The following VPS13A variants were observed in gnomAD, a reference collection of about 807,000 sequenced individuals.
VPS13A encodes vacuolar protein sorting 13 homolog A.
A neutral mutation model predicts 390.9 loss-of-function variants in VPS13A; 264 were observed. That is an observed-to-expected ratio of 0.68 (90% CI 0.61 to 0.75). VPS13A has a LOEUF of 0.75. Ranked by LOEUF, VPS13A falls within the 30% of genes least tolerant of loss-of-function variation. The pLI, the probability that VPS13A is intolerant of heterozygous loss-of-function variation, is 0.00. For synonymous variants in VPS13A, 1,231 were observed against 1,227.1 expected (o/e 1.00, Z -0.07); for missense variants, 3,409 against 3,733.9 (o/e 0.91, Z 2.27).
At chr9:77,275,016 A>G (rs992698313) in intron 24 of VPS13A, among the ~76,000 whole-genome samples, 1 of 152,136 alleles carries the variant, frequency 6.6e-6, no homozygotes, top group Non-Finnish European at 1.5e-5. Flanking sequence ...TTGTGTATAT[A>G]TATGTATACA....
At chr9:77,358,227 A>T (rs1831931541) in intron 56 of VPS13A, 130 bp from the exon 57 acceptor site, 2 of 792,002 alleles carry the variant, frequency 2.5e-6, no homozygotes, top group East Asian at 5.6e-5. Context: ...AAGTGCTGGG[A>T]TTACAGGCGT....
At chr9:77,265,545 A>G (rs1056951159) in intron 23 of VPS13A, among the ~76,000 whole-genome samples, 2 of 152,132 alleles carry the variant, frequency 1.3e-5, no homozygotes, top group African/African-American at 4.8e-5. Context: ...GTGTCCAGGA[A>G]TTTATCCATT....
At chr9:77,197,506 A>G (rs952682901) in intron 1 of VPS13A, among the ~76,000 whole-genome samples, 1 of 152,212 alleles carries the variant, frequency 6.6e-6, no homozygotes, top group Non-Finnish European at 1.5e-5. Flanking sequence ...TTATCATTAT[A>G]TAATGCCCTT....
At chr9:77,205,905 G>C in intron 4 of VPS13A, 73 bp from the exon 5 acceptor site, 1 of 1,205,424 alleles carries the variant, frequency 8.3e-7, no homozygotes, top group Non-Finnish European at 1.2e-6. Flanking sequence ...ATGATTATTT[G>C]TAAGGATTTT....
chr9:77,314,405 C>T, intron 36 of VPS13A, 90 bp from the exon 37 acceptor site: 2 of 1,326,962 alleles, frequency 1.5e-6, no homozygotes, highest in Non-Finnish European at 2.1e-6. Flanking sequence ...TTGTTATAAG[C>T]AGAGGCAATA....
intron 56 of VPS13A, 65 bp from the exon 57 acceptor site, chr9:77,358,292 C>A: frequency 3.7e-6 from 5 of 1,359,662 alleles, no homozygotes; most frequent in Non-Finnish European, 5.2e-6. Flanking sequence ...TTCCTCAAAT[C>A]CTGTTATTCT....
chr9:77,183,939 T>C (rs564339999), intron 1 of VPS13A, among the ~76,000 whole-genome samples: 7 of 152,330 alleles, frequency 4.6e-5, no homozygotes, highest in African/African-American at 7.2e-5. Flanking sequence ...CATCTGTCCA[T>C]CTCTCTATCC....
rs142884554 is a variant in VPS13A, at chr9:77,228,397, GT to G, written c.1595+143del. 2,490 of 758,950 alleles carry G rather than the reference GT, an allele frequency of 3.3e-3. 1 individual carries two copies. The highest frequency in any genetic ancestry group is 4.8e-3 in the Middle Eastern group (11 of 2,272). 47.0% of individuals were successfully genotyped at this position (758,950 alleles called of 1,614,324 possible). Reference sequence around the variant, plus strand: ...ATCCTTTTGTGGTTTCAGGAAAAAGGTTTTTTTTTTAATTGTTAAGATAATA... The same window carrying G: ...ATCCTTTTGTGGTTTCAGGAAAAAGGTTTTTTTTTAATTGTTAAGATAATA... On this transcript the variant is annotated intron_variant, in intron 17 of 71. Transcript: ENST00000360280.
At chr9:77,386,440 T>A (rs1833685200) in intron 68 of VPS13A, among the ~76,000 whole-genome samples, 1 of 152,064 alleles carries the variant, frequency 6.6e-6, no homozygotes, top group Non-Finnish European at 1.5e-5. Context: ...ACACTTAATT[T>A]CATGGAATGG....
chr9:77,198,825 G>A (rs189421261), intron 1 of VPS13A, among the ~76,000 whole-genome samples: 6 of 152,084 alleles, frequency 3.9e-5, no homozygotes, highest in Middle Eastern at 3.4e-3. Context: ...CATCACGACC[G>A]GCTAATTTTG....
intron 68 of VPS13A, among the ~76,000 whole-genome samples, chr9:77,385,446 A>G (rs934213490): frequency 6.7e-6 from 1 of 150,268 alleles, no homozygotes; most frequent in African/African-American, 2.4e-5. Context: ...CTATATTTCT[A>G]TTATGAATTC....
At chr9:77,207,252 T>TATATATATGTATATATATATATAA in intron 5 of VPS13A, among the ~76,000 whole-genome samples, 1 of 87,274 alleles carries the variant, frequency 1.1e-5, no homozygotes, top group East Asian at 3.7e-4. Context: ...TATATATATA[T>TATATATATGTATATATATATATAA]AAAACGTGTT....
chr9:77,369,556 T>C (rs1832631869), intron 63 of VPS13A, 144 bp downstream of exon 63: 1 of 701,300 alleles, frequency 1.4e-6, no homozygotes, highest in Non-Finnish European at 2.6e-6. Context: ...CAAACAATGG[T>C]AAGAGGTTTT....
Position 77,382,033 on chromosome 9 carries a change from T to C in VPS13A, c.9135T>C (p.Asp3045=), listed in dbSNP as rs1363691705. ...GACCTCCTCGGTTCTTCAATGAAGA[T>C]GGAGTTATCAGACCGTACAGGTTGA... ...SLRPPRFFNE[D]GVIRPYRLRD... The change falls in exon 68 of 72, where the codon GAT becomes GAC. Residue 3045 remains aspartate, a synonymous_variant. Transcript: ENST00000360280. 2 of 1,608,988 alleles carry C rather than the reference T, an allele frequency of 1.2e-6. No homozygotes were observed. Among genetic ancestry groups the C allele is most frequent in the Middle Eastern group, 1.7e-4 (1 of 6,044 alleles).
chr9:77,377,005 G>C (rs1037266107), intron 67 of VPS13A, among the ~76,000 whole-genome samples: 1 of 152,154 alleles, frequency 6.6e-6, no homozygotes, highest in African/African-American at 2.4e-5. Context: ...CTAGGATTTT[G>C]ATGCAGATGG....
intron 13 of VPS13A, among the ~76,000 whole-genome samples, chr9:77,224,137 T>G (rs902439872): frequency 9.9e-5 from 15 of 152,136 alleles, no homozygotes; most frequent in African/African-American, 4.8e-5. Context: ...AAAAAAAGAT[T>G]TTTTTCAAAA....
Position 77,238,164 on chromosome 9 carries a change from T to C in VPS13A, c.1758T>C (p.Ala586=), listed in dbSNP as rs149037185. Residue 586 remains alanine, a synonymous_variant, in exon 18 of 72, where the codon GCT becomes GCC. Coordinates refer to ENST00000360280, the MANE Select transcript of VPS13A (RefSeq NM_033305.3). The part of the protein sequence containing the change: ...ETVSQRCIIE[A]EPLEIIYDAR... ...TTTCTCAGAGGTGTATCATAGAAGCTGAACCTTTAGAAATCATATATGATG... is the reference window on the plus strand; with the variant it reads ...TTTCTCAGAGGTGTATCATAGAAGCCGAACCTTTAGAAATCATATATGATG... 2.4e-3 allele frequency: 3,813 copies of C among 1,613,638 alleles called. 13 individuals carry two copies. Among genetic ancestry groups the C allele is most frequent in the Middle Eastern group, 4.8e-3 (29 of 6,052 alleles).
At chr9:77,217,773 CT>C (rs992417812) in intron 10 of VPS13A, among the ~76,000 whole-genome samples, 5 of 144,364 alleles carry the variant, frequency 3.5e-5, no homozygotes, top group South Asian at 2.2e-4. Context: ...CATACAAGCG[CT>C]TTTTTTTTCT....
Position 77,356,865 on chromosome 9 carries a change from C to T in VPS13A, c.7804C>T (p.Pro2602Ser). The T allele has an allele frequency of 6.2e-7, 1 of 1,613,530 alleles. No individual in the cohort carries two copies. Among genetic ancestry groups the T allele is most frequent in the Non-Finnish European group, 8.5e-7 (1 of 1,179,864 alleles). The change falls in exon 55 of 72, where the codon CCG becomes TCG. Residue 2602 changes from proline (P) to serine (S), a missense_variant and splice_region_variant. By Grantham distance (74) the Pro-to-Ser change is moderately conservative. Coordinates refer to ENST00000360280, the MANE Select transcript of VPS13A (RefSeq NM_033305.3). ...DKVIQLDTNV[P>S]VRLTPTGHNM... Reference sequence around the variant, plus strand: ...GGTTATTCAGTTGGACACTAATGTTCCGGTAATATTTTTAAGTACTGATGT... The same window carrying T: ...GGTTATTCAGTTGGACACTAATGTTTCGGTAATATTTTTAAGTACTGATGT...
Sources: gnomAD v4.1 joint callset for allele counts (sites outside exome capture counted in the v4.1 genomes callset) on GRCh38, gnomAD v4.1.1 for gene constraint, MANE v1.5 for transcripts, NCBI Gene and HGNC (gene_info 2026-07-23, HGNC 2026-07-21) for gene names.